The following TMEM232 variants were observed in gnomAD, a reference collection of about 807,000 sequenced individuals.
TMEM232 encodes transmembrane protein 232.
A neutral mutation model predicts 78.8 loss-of-function variants in TMEM232; 80 were observed. The ratio of observed to expected loss-of-function variants is 1.01; its 90% CI spans 0.85 to 1.22. The LOEUF (loss-of-function observed/expected upper bound fraction) is 1.22. Among genes scored for constraint, TMEM232 ranks in the 50% most tolerant of loss-of-function variants. The pLI is 0.00. For missense variants in TMEM232, 881 were observed against 742.2 expected (o/e 1.19, Z -2.17); for synonymous variants, 297 against 254.3 (o/e 1.17, Z -1.60).
intron 10 of TMEM232, among the ~76,000 whole-genome samples, chr5:110,603,065 C>G (rs910862028): frequency 3.3e-5 from 5 of 152,060 alleles, no homozygotes; most frequent in Non-Finnish European, 7.3e-5. Flanking sequence ...ATTGCATGTT[C>G]TCACTCATAA....
At chr5:110,709,155 T>C (rs929280288) in intron 1 of TMEM232, among the ~76,000 whole-genome samples, 1 of 152,040 alleles carries the variant, frequency 6.6e-6, no homozygotes, top group African/African-American at 2.4e-5. Context: ...TATTAAATGA[T>C]AAAGTGGTCA....
chr5:110,685,950 C>A (rs920628529), intron 1 of TMEM232, among the ~76,000 whole-genome samples: 1 of 152,014 alleles, frequency 6.6e-6, no homozygotes, highest in Non-Finnish European at 1.5e-5. Flanking sequence ...GACAAAACTA[C>A]TGCATGGTGA....
At chr5:110,530,659 T>A (rs892516432) in intron 11 of TMEM232, among the ~76,000 whole-genome samples, 1 of 152,170 alleles carries the variant, frequency 6.6e-6, no homozygotes, top group Non-Finnish European at 1.5e-5. Context: ...CTCACTTACA[T>A]GTAAAATCTA....
intron 12 of TMEM232, among the ~76,000 whole-genome samples, chr5:110,429,291 T>C (rs377419260): frequency 6.6e-6 from 1 of 151,778 alleles, no homozygotes; most frequent in Non-Finnish European, 1.5e-5. Context: ...ATTGTCCCAA[T>C]AGGATGATGA....
intron 12 of TMEM232, among the ~76,000 whole-genome samples, chr5:110,523,492 T>C (rs6594458): frequency 0.044 from 6,758 of 152,232 alleles, 411 homozygotes; most frequent in African/African-American, 0.14. Context: ...TTGAGATTTT[T>C]CTTTTTTAAT....
intron 12 of TMEM232, among the ~76,000 whole-genome samples, chr5:110,458,358 T>A (rs965275899): frequency 7.2e-5 from 11 of 152,232 alleles, no homozygotes; most frequent in Admixed American, 6.5e-4. Context: ...CTGATCTTTA[T>A]TTCTATGAGG....
intron 12 of TMEM232, among the ~76,000 whole-genome samples, chr5:110,440,201 AAG>A (rs1758878787): frequency 6.6e-6 from 1 of 152,190 alleles, no homozygotes; most frequent in Non-Finnish European, 1.5e-5. Flanking sequence ...AGTGTCCTTT[AAG>A]AGATAAGGTT....
chr5:110,422,906 A>G (rs1428108336), intron 13 of TMEM232, among the ~76,000 whole-genome samples: 1 of 152,280 alleles, frequency 6.6e-6, no homozygotes, highest in Non-Finnish European at 1.5e-5. Flanking sequence ...AAAAAAATAG[A>G]TATGTTTGAA....
chr5:110,454,742 AAAC>A (rs1375075601), intron 12 of TMEM232, among the ~76,000 whole-genome samples: 1 of 152,106 alleles, frequency 6.6e-6, no homozygotes, highest in Non-Finnish European at 1.5e-5. Context: ...ATTAGAAAAA[AAAC>A]CTCTTGAATC....
At chr5:110,615,047 T>G (rs1782755830) in intron 8 of TMEM232, among the ~76,000 whole-genome samples, 1 of 151,938 alleles carries the variant, frequency 6.6e-6, no homozygotes, top group Non-Finnish European at 1.5e-5. Flanking sequence ...CAATACTCAG[T>G]AGGTGTCTCC....
intron 12 of TMEM232, among the ~76,000 whole-genome samples, chr5:110,448,397 T>G (rs935103716): frequency 6.6e-6 from 1 of 152,016 alleles, no homozygotes; most frequent in Admixed American, 6.6e-5. Flanking sequence ...CATTAGACCT[T>G]AAACCCTTTA....
chr5:110,582,865 T>G (rs967083169), intron 10 of TMEM232, among the ~76,000 whole-genome samples: 1 of 151,878 alleles, frequency 6.6e-6, no homozygotes, highest in Non-Finnish European at 1.5e-5. Flanking sequence ...TATACACTAA[T>G]AACAAACTAT....
At position 110,721,486 on chromosome 5, in the gene TMEM232, T is replaced by C. The variant is rs145845684; in HGVS notation, c.-13+5141A>G. On this transcript the variant is annotated intron_variant, in intron 1 of 13. Coordinates refer to ENST00000455884, the MANE Select transcript of TMEM232 (RefSeq NM_001039763.4). ...GGTCCAGGGTTGCTAAATATATTCC[T>C]CAATTCCGAGAGAGTACCTCATAAG... Among the ~76,000 whole-genome samples, 291 of 151,304 alleles carry C rather than the reference T, an allele frequency of 1.9e-3. 2 individuals carry two copies. Among genetic ancestry groups the C allele is most frequent in the African/African-American group, 6.7e-3 (275 of 41,326 alleles).
intron 12 of TMEM232, among the ~76,000 whole-genome samples, chr5:110,447,483 A>T (rs531651297): frequency 1.2e-4 from 19 of 152,276 alleles, no homozygotes; most frequent in Admixed American, 1.2e-3. Context: ...TGCCAGTCCT[A>T]TATAGAGATC....
chr5:110,655,947 C>A (rs915883532), intron 2 of TMEM232, among the ~76,000 whole-genome samples: 1 of 148,976 alleles, frequency 6.7e-6, no homozygotes, highest in African/African-American at 2.5e-5. Flanking sequence ...AGGAGATATA[C>A]CTAATGCTAA....
chr5:110,464,211 T>C (rs865828079), intron 12 of TMEM232, among the ~76,000 whole-genome samples: 10 of 152,238 alleles, frequency 6.6e-5, no homozygotes, highest in African/African-American at 2.2e-4. Flanking sequence ...AAGAGGTGTC[T>C]GTTCTTTATC....
At chr5:110,479,511 G>A (rs990922206) in intron 12 of TMEM232, among the ~76,000 whole-genome samples, 58 of 151,746 alleles carry the variant, frequency 3.8e-4, no homozygotes, top group African/African-American at 1.4e-3. Context: ...GATTACCTGT[G>A]ATGGTTTTTT....
intron 8 of TMEM232, among the ~76,000 whole-genome samples, chr5:110,608,224 T>G (rs1781749228): frequency 6.6e-6 from 1 of 151,922 alleles, no homozygotes; most frequent in Admixed American, 6.6e-5. Context: ...AACTCACTTT[T>G]TAGAGATTAT....
chr5:110,634,311 A>C (rs1785517045), intron 5 of TMEM232, among the ~76,000 whole-genome samples: 1 of 152,156 alleles, frequency 6.6e-6, no homozygotes, highest in African/African-American at 2.4e-5. Flanking sequence ...CAACAAAGAG[A>C]CATTGTATTT....
Sources: gnomAD v4.1 joint callset for allele counts (sites outside exome capture counted in the v4.1 genomes callset) on GRCh38, gnomAD v4.1.1 for gene constraint, MANE v1.5 for transcripts, NCBI Gene and HGNC (gene_info 2026-07-23, HGNC 2026-07-21) for gene names.